Variants in SMAD1 observed in about 807,000 individuals in gnomAD.
SMAD1 encodes SMAD family member 1.
Under a neutral mutation model 41.6 loss-of-function variants are expected in SMAD1, and 6 were observed. The ratio of observed to expected loss-of-function variants is 0.14; its 90% CI spans 0.08 to 0.28. SMAD1 has a LOEUF of 0.28. Among genes scored for constraint, SMAD1 ranks in the 10% least tolerant of loss-of-function variants. The pLI, the probability that SMAD1 is intolerant of heterozygous loss-of-function variation, is 1.00. For synonymous variants in SMAD1, 206 were observed against 203.2 expected, an observed-to-expected ratio of 1.01 and a Z score of -0.12; for missense variants, 379 against 582.6, an observed-to-expected ratio of 0.65 and a Z score of 3.60.
At chr4:145,499,588 G>A (rs1297574131) in intron 1 of SMAD1, among the ~76,000 whole-genome samples, 2 of 152,092 alleles carry the variant, frequency 1.3e-5, no homozygotes, top group African/African-American at 2.4e-5. Context: ...GCACTCCAGC[G>A]TGGGCAACAG....
chr4:145,539,127 G>C (rs1440338726), intron 2 of SMAD1, among the ~76,000 whole-genome samples: 1 of 152,150 alleles, frequency 6.6e-6, no homozygotes, highest in Non-Finnish European at 1.5e-5. Flanking sequence ...TGACCTCACA[G>C]GTGGTGGTAA....
At chr4:145,499,400 T>A (rs1019717235) in intron 1 of SMAD1, among the ~76,000 whole-genome samples, 14 of 152,158 alleles carry the variant, frequency 9.2e-5, no homozygotes, top group Non-Finnish European at 1.9e-4. Flanking sequence ...AAGCGGTGGA[T>A]CACTTAGCCC....
At chr4:145,488,295 A>C (rs1728589761) in intron 1 of SMAD1, among the ~76,000 whole-genome samples, 1 of 152,158 alleles carries the variant, frequency 6.6e-6, no homozygotes, top group Admixed American at 6.5e-5. Flanking sequence ...GTTTGGGAAG[A>C]GGAGGAGAGA....
chr4:145,529,865 C>A (rs1578797595), intron 2 of SMAD1, among the ~76,000 whole-genome samples: 1 of 152,148 alleles, frequency 6.6e-6, no homozygotes, highest in Non-Finnish European at 1.5e-5. Flanking sequence ...TGTATTCACC[C>A]AGAATTGCTG....
intron 2 of SMAD1, among the ~76,000 whole-genome samples, chr4:145,537,545 T>C (rs1731682054): frequency 2.0e-5 from 3 of 152,302 alleles, no homozygotes; most frequent in African/African-American, 4.8e-5. Context: ...TGCCTCAAAC[T>C]GGAAATAACC....
intron 6 of SMAD1, 151 bp from the exon 7 acceptor site, chr4:145,557,640 A>G (rs1345527899): frequency 1.9e-6 from 1 of 525,074 alleles, no homozygotes; most frequent in South Asian, 4.4e-5. Context: ...GCGTTTGTGC[A>G]TGTGTGTTTT....
rs775760351 is a variant in SMAD1, at chr4:145,539,817, G to A, written c.414G>A (p.Val138=). The A allele has an allele frequency of 1.9e-6, 3 of 1,613,208 alleles. No individual in the cohort carries two copies. Among genetic ancestry groups the A allele is most frequent in the Middle Eastern group, 1.7e-4 (1 of 6,060 alleles). Residue 138 remains valine, a synonymous_variant, in exon 3 of 7, where the codon GTG becomes GTA. Coordinates refer to ENST00000302085, the MANE Select transcript of SMAD1 (RefSeq NM_005900.3). ...TCCTTTTTCTAGTACTTCCTCCTGTGCTGGTTCCAAGACACAGCGAATATA... is the reference window on the plus strand; with the variant it reads ...TCCTTTTTCTAGTACTTCCTCCTGTACTGGTTCCAAGACACAGCGAATATA... ...KRVESPVLPP[V]LVPRHSEYNP... is the part of the protein sequence containing the mutation.
At chr4:145,521,652 C>T (rs1299075354) in intron 2 of SMAD1, among the ~76,000 whole-genome samples, 1 of 151,936 alleles carries the variant, frequency 6.6e-6, no homozygotes, top group Non-Finnish European at 1.5e-5. Context: ...TTAGTTCTCA[C>T]CAGGGGCCAA....
chr4:145,508,211 G>A (rs1366987534), intron 1 of SMAD1, among the ~76,000 whole-genome samples: 1 of 151,458 alleles, frequency 6.6e-6, no homozygotes, highest in African/African-American at 2.4e-5. Flanking sequence ...TTGTCCATAT[G>A]ATAAGATTCT....
chr4:145,490,390 A>G (rs1328317974), intron 1 of SMAD1, among the ~76,000 whole-genome samples: 1 of 152,234 alleles, frequency 6.6e-6, no homozygotes, highest in Non-Finnish European at 1.5e-5. Context: ...GAGGAAGATC[A>G]GCACATGGTA....
At chr4:145,534,848 T>A (rs1731525873) in intron 2 of SMAD1, among the ~76,000 whole-genome samples, 1 of 152,206 alleles carries the variant, frequency 6.6e-6, no homozygotes, top group Non-Finnish European at 1.5e-5. Context: ...AATCTGGGTA[T>A]AGGAGAAGGC....
upstream of SMAD1, chr4:145,481,750 C>T (rs1302461932): frequency 1.1e-5 from 2 of 180,364 alleles, no homozygotes; most frequent in South Asian, 1.0e-4. Flanking sequence ...CGCGGGTGAG[C>T]GGGTGAGCGT....
At chr4:145,522,208 G>A (rs1207398034) in intron 2 of SMAD1, among the ~76,000 whole-genome samples, 1 of 152,196 alleles carries the variant, frequency 6.6e-6, no homozygotes, top group Non-Finnish European at 1.5e-5. Flanking sequence ...GCTGAGGCAG[G>A]AGAACGGGTG....
At chr4:145,533,150 A>G (rs973479199) in intron 2 of SMAD1, among the ~76,000 whole-genome samples, 1 of 152,094 alleles carries the variant, frequency 6.6e-6, no homozygotes, top group Admixed American at 6.5e-5. Context: ...ACCCAGCCTG[A>G]CTAACTTCTA....
Position 145,514,664 on chromosome 4 carries a change from T to C in SMAD1, c.51T>C (p.Leu17=). 6.2e-7 allele frequency: 1 copy of C among 1,613,696 alleles called. No homozygotes were observed. The highest frequency in any genetic ancestry group is 8.5e-7 in the Non-Finnish European group (1 of 1,179,950). ...FSFTSPAVKR[L]LGWKQGDEEE... ...TTACAAGTCCAGCTGTGAAGAGACTTCTTGGGTGGAAACAGGGCGATGAAG... is the reference window on the plus strand; with the variant it reads ...TTACAAGTCCAGCTGTGAAGAGACTCCTTGGGTGGAAACAGGGCGATGAAG... Residue 17 remains leucine (L), a synonymous_variant, in exon 2 of 7, where the codon CTT becomes CTC. Coordinates refer to ENST00000302085, the MANE Select transcript of SMAD1 (RefSeq NM_005900.3). This position sits in a 1 kb window ranked among gnomAD's most constrained non-coding sequence, Gnocchi z 4.7.
intron 2 of SMAD1, among the ~76,000 whole-genome samples, chr4:145,518,652 A>C (rs16998662): frequency 0.11 from 13,798 of 125,916 alleles, 4,225 homozygotes; most frequent in East Asian, 0.54. Context: ...TCAACACTGA[A>C]TTATTTTGAA....
At chr4:145,527,968 G>A (rs1731116923) in intron 2 of SMAD1, among the ~76,000 whole-genome samples, 3 of 150,172 alleles carry the variant, frequency 2.0e-5, no homozygotes, top group East Asian at 2.0e-4. Context: ...CCCCGGCCCC[G>A]GCCCTGGGTT....
At chr4:145,513,029 G>A (rs140114248) in intron 1 of SMAD1, among the ~76,000 whole-genome samples, 1 of 152,286 alleles carries the variant, frequency 6.6e-6, no homozygotes. Flanking sequence ...CTCCTCAGCA[G>A]GCCCTCAACT....
At chr4:145,545,733 T>C (rs1732218236) in intron 4 of SMAD1, 1 of 152,184 alleles carries the variant, frequency 6.6e-6, no homozygotes, top group African/African-American at 2.4e-5. Context: ...CCTTTTATTA[T>C]TGTACACCCA....
Sources: gnomAD v4.1 joint callset for allele counts (sites outside exome capture counted in the v4.1 genomes callset) on GRCh38, gnomAD v4.1.1 for gene constraint, Gnocchi (gnomAD v3.1) non-coding constraint, MANE v1.5 for transcripts, NCBI Gene and HGNC (gene_info 2026-07-23, HGNC 2026-07-21) for gene names.